Variants in MID1 observed in about 807,000 individuals in gnomAD.
The protein encoded by MID1 is E3 ubiquitin-protein ligase Midline-1.
Under a neutral mutation model 40.4 loss-of-function variants are expected in MID1, and 7 were observed. The ratio of observed to expected loss-of-function variants is 0.17; its 90% CI spans 0.10 to 0.33. The LOEUF (loss-of-function observed/expected upper bound fraction) is 0.33, where lower values mean the gene tolerates loss of function less well. Ranked by LOEUF, MID1 falls within the 10% of genes least tolerant of loss-of-function variation. MID1 has a pLI of 1.00. For missense variants in MID1, 367 were observed against 558.5 expected (o/e 0.66, Z 3.46); for synonymous variants, 229 against 221.2 (o/e 1.04, Z -0.31).
At chrX:10,792,731 G>C (rs1193581912) in intron 1 of MID1, among the ~76,000 whole-genome samples, 1 of 111,635 alleles carries the variant, frequency 9.0e-6, no homozygotes, top group Non-Finnish European at 1.9e-5. Flanking sequence ...CCAGGGGCTA[G>C]GGACGGGGAA....
At chrX:10,809,849 G>A (rs2044083229) in intron 1 of MID1, among the ~76,000 whole-genome samples, 1 of 110,092 alleles carries the variant, frequency 9.1e-6, no homozygotes, top group African/African-American at 3.3e-5. Flanking sequence ...ACACCAACAT[G>A]GCACATGTAT....
At chrX:10,507,445 C>T (rs1235214914) in intron 3 of MID1, among the ~76,000 whole-genome samples, 1 of 112,272 alleles carries the variant, frequency 8.9e-6, no homozygotes, top group Non-Finnish European at 1.9e-5. Context: ...CTAATTTTTT[C>T]GAGACCACAA....
intron 1 of MID1, among the ~76,000 whole-genome samples, chrX:10,677,041 C>G (rs754355267): frequency 3.6e-5 from 4 of 111,770 alleles, no homozygotes; most frequent in Non-Finnish European, 7.5e-5. Context: ...CCAAATCTAT[C>G]TGGCACCTCA....
rs1244241555 is a variant in MID1, at chrX:10,482,474, A to G, written c.1013+6T>C. On this transcript the variant is annotated splice_donor_region_variant and intron_variant, in intron 5 of 9. Transcript: ENST00000317552. Reference sequence around the variant, plus strand: ...CCGAGAAATTCCCAGGGGCCCCTGCACTCACCTCTCGGTGATATTCTTAGC... The same window carrying G: ...CCGAGAAATTCCCAGGGGCCCCTGCGCTCACCTCTCGGTGATATTCTTAGC... The G allele has an allele frequency of 1.7e-6, 2 of 1,206,028 alleles. No homozygotes were observed. The highest frequency in any genetic ancestry group is 3.0e-5 in the East Asian group (1 of 33,712).
At chrX:10,526,434 G>C (rs1190341352) in intron 2 of MID1, among the ~76,000 whole-genome samples, 1 of 111,526 alleles carries the variant, frequency 9.0e-6, no homozygotes, top group African/African-American at 3.3e-5. Context: ...CCTTGATATA[G>C]ACATAACCAT....
At chrX:10,476,992 A>C (rs73492957) in intron 5 of MID1, among the ~76,000 whole-genome samples, 1,147 of 112,722 alleles carry the variant, frequency 0.01, 13 homozygotes, top group African/African-American at 0.035. Flanking sequence ...AATATTTATG[A>C]AGCCCTTAAA....
At chrX:10,604,866 T>C (rs1184188449) in intron 1 of MID1, among the ~76,000 whole-genome samples, 2 of 112,559 alleles carry the variant, frequency 1.8e-5, no homozygotes, top group African/African-American at 3.2e-5. Flanking sequence ...TTGAGGAAAA[T>C]TCAAACCTTC....
intron 1 of MID1, among the ~76,000 whole-genome samples, chrX:10,730,083 C>CAAA (rs1293732350): frequency 6.8e-4 from 47 of 69,208 alleles, no homozygotes; most frequent in African/African-American, 2.2e-3. Context: ...GACTCCATCT[C>CAAA]AAAAAAAAAA....
intron 1 of MID1, among the ~76,000 whole-genome samples, chrX:10,774,723 T>G (rs1404949425): frequency 9.0e-6 from 1 of 111,351 alleles, no homozygotes; most frequent in Admixed American, 9.6e-5. Context: ...TCAGGAATAC[T>G]TTCTAAAATT....
chrX:10,803,514 G>A (rs966323917), intron 1 of MID1, among the ~76,000 whole-genome samples: 5 of 109,682 alleles, frequency 4.6e-5, no homozygotes, highest in Admixed American at 1.9e-4. Context: ...CACCACGCCC[G>A]GCTAATTTTT....
chrX:10,502,266 C>A (rs1376151117), intron 3 of MID1, among the ~76,000 whole-genome samples: 2 of 112,491 alleles, frequency 1.8e-5, no homozygotes, highest in African/African-American at 3.2e-5. Context: ...CTCTCATTTT[C>A]TCACTTTGCA....
chrX:10,716,009 A>C (rs1200466377), intron 1 of MID1, among the ~76,000 whole-genome samples: 1 of 112,075 alleles, frequency 8.9e-6, no homozygotes. Context: ...GAAAACTAAC[A>C]AACAGAAAGG....
At chrX:10,801,084 G>A (rs2044003471) in intron 1 of MID1, among the ~76,000 whole-genome samples, 1 of 109,138 alleles carries the variant, frequency 9.2e-6, no homozygotes, top group Non-Finnish European at 1.9e-5. Flanking sequence ...TTGATGAATG[G>A]ATAGTCAGGA....
chrX:10,637,316 AT>A (rs369003728), intron 1 of MID1, among the ~76,000 whole-genome samples: 85 of 103,894 alleles, frequency 8.2e-4, no homozygotes, highest in Non-Finnish European at 8.4e-4. Flanking sequence ...TGCTTTATGT[AT>A]TTTTTTTTTT....
At chrX:10,681,025 CAATAATAATAATAATAATAAT>C (rs56941761) in intron 1 of MID1, among the ~76,000 whole-genome samples, 11 of 82,601 alleles carry the variant, frequency 1.3e-4, no homozygotes, top group Non-Finnish European at 1.8e-4. Flanking sequence ...GACCCTGTCT[CAATAATAATAATAATAATAAT>C]AATAATAATA....
At chrX:10,545,172 G>A (rs1933633707) in intron 2 of MID1, among the ~76,000 whole-genome samples, 1 of 111,280 alleles carries the variant, frequency 9.0e-6, no homozygotes, top group Non-Finnish European at 1.9e-5. Flanking sequence ...ACGTTGACCA[G>A]GCTGGTCTCG....
chrX:10,769,550 A>AT (rs1417971723), intron 1 of MID1, among the ~76,000 whole-genome samples: 4 of 111,822 alleles, frequency 3.6e-5, no homozygotes, highest in South Asian at 3.7e-4. Context: ...ACTGGGACCC[A>AT]TTTTTTTCTT....
intron 1 of MID1, among the ~76,000 whole-genome samples, chrX:10,672,375 C>G (rs780338139): frequency 9.8e-5 from 11 of 111,788 alleles, no homozygotes; most frequent in Non-Finnish European, 1.9e-4. Context: ...TAACCACATC[C>G]TTCGACATCC....
intron 1 of MID1, among the ~76,000 whole-genome samples, chrX:10,686,025 G>T (rs2043095019): frequency 9.0e-6 from 1 of 111,469 alleles, no homozygotes; most frequent in African/African-American, 3.3e-5. Flanking sequence ...GAGAAGGTTT[G>T]TGTTTAACAA....
Sources: allele counts gnomAD v4.1 joint callset (sites outside exome capture counted in the v4.1 genomes callset), GRCh38; gene constraint gnomAD v4.1.1; transcripts MANE v1.5; gene names NCBI Gene and HGNC (gene_info 2026-07-23, HGNC 2026-07-21).